The following ACAP3 variants were observed in gnomAD, a reference collection of about 807,000 sequenced individuals.
ACAP3 encodes the protein arf-GAP with coiled-coil, ANK repeat and PH domain-containing protein 3.
In ACAP3, 56 loss-of-function variants were observed where a neutral mutation model predicts 104.1. The observed-to-expected ratio is 0.54, with a 90% CI of 0.43 to 0.67. The LOEUF is 0.67. Among genes scored for constraint, ACAP3 ranks in the 30% least tolerant of loss-of-function variants. The probability of loss-of-function intolerance (pLI) is 0.00; values close to 1 mark genes in which losing one functional copy is unlikely to be tolerated. For synonymous variants in ACAP3, 628 were observed against 496.2 expected (o/e 1.27, Z -3.53); for missense variants, 1,208 against 1,174.9 (o/e 1.03, Z -0.41).
rs570759039 is a variant in ACAP3, at chr1:1,293,353, AC to A, written c.*210del. The A allele has an allele frequency of 7.6e-5, 30 of 392,944 alleles. No homozygotes were observed. The highest frequency in any genetic ancestry group is 4.9e-4 in the East Asian group (9 of 18,182). 24.3% of individuals were successfully genotyped at this position (392,944 alleles called of 1,614,324 possible). A position where few individuals can be genotyped will look rare whatever the true frequency, so the allele number is the denominator to read the frequency against. On this transcript the variant is annotated 3_prime_UTR_variant, in exon 24 of 24. Coordinates refer to ENST00000354700, the MANE Select transcript of ACAP3 (RefSeq NM_030649.3). ...GGTGAGGGACACCCGACGATGCAGC[AC>A]CCCCCCAGGGAAACGTGAGGCTTCA...
chr1:1,299,217 G>A (rs1641336836), intron 10 of ACAP3, 128 bp downstream of exon 10: 2 of 1,250,152 alleles, frequency 1.6e-6, no homozygotes, highest in African/African-American at 3.0e-5. Flanking sequence ...AGCCGCATCA[G>A]CAGCAGGAGC....
At chr1:1,298,235 C>T (rs1641282427) in intron 12 of ACAP3, 122 bp from the exon 13 acceptor site, 1 of 1,578,366 alleles carries the variant, frequency 6.3e-7, no homozygotes, top group Non-Finnish European at 8.6e-7. Context: ...GTGTCCAGCT[C>T]TCTGCTCCCT....
intron 5 of ACAP3, chr1:1,301,539 G>A (rs1641446034): frequency 6.6e-6 from 1 of 152,090 alleles, no homozygotes; most frequent in African/African-American, 2.5e-5. Context: ...GATTACAGGT[G>A]TGAGCCACCA....
chr1:1,295,741 G>T lies in ACAP3; in HGVS notation c.1700C>A (p.Ser567Tyr). ...EPVLPCVAAL[S>Y]SVGTLDRKFR... ...GCCGGGGCATGGCCTCCCACCTGAG[G>T]ACAGAGCGGCCACACAGGGCAGAAC... Residue 567 changes from serine to tyrosine, a missense_variant, in exon 18 of 24, where the codon TCC becomes TAC. Coordinates refer to ENST00000354700, the MANE Select transcript of ACAP3 (RefSeq NM_030649.3). 1 of 1,602,210 alleles carries T rather than the reference G, an allele frequency of 6.2e-7. No homozygotes were observed.
chr1:1,294,033 C>G, intron 22 of ACAP3, 57 bp downstream of exon 22: 1 of 1,492,336 alleles, frequency 6.7e-7, no homozygotes, highest in Non-Finnish European at 8.9e-7. Flanking sequence ...CAGGGCGTAG[C>G]CGGGCCGGGG....
At chr1:1,295,296 G>A in intron 19 of ACAP3, 151 bp downstream of exon 19, 1 of 668,788 alleles carries the variant, frequency 1.5e-6, no homozygotes, top group East Asian at 2.7e-5. Context: ...CTGACAGTCA[G>A]GGCCTTGGCC....
At chr1:1,304,914 G>A (rs1055277208) in intron 1 of ACAP3, 4 of 152,362 alleles carry the variant, frequency 2.6e-5, no homozygotes, top group African/African-American at 7.2e-5. Flanking sequence ...CCAGGATCCC[G>A]GCAGCCCTCC....
chr1:1,306,877 G>C (rs1340771827), intron 1 of ACAP3, among the ~76,000 whole-genome samples: 1 of 152,246 alleles, frequency 6.6e-6, no homozygotes, highest in Non-Finnish European at 1.5e-5. Flanking sequence ...CACACAGACA[G>C]GTGGTGTGTG....
At chr1:1,301,875 C>T (rs1345758153) in intron 5 of ACAP3, 113 bp downstream of exon 5, 3 of 1,049,762 alleles carry the variant, frequency 2.9e-6, no homozygotes, top group Non-Finnish European at 3.9e-6. Context: ...GGAGCCGCTG[C>T]ACAGCCTGGA....
chr1:1,293,972 G>T, intron 22 of ACAP3, 39 bp from the exon 23 acceptor site: 2 of 1,498,392 alleles, frequency 1.3e-6, no homozygotes, highest in African/African-American at 1.5e-5. Flanking sequence ...GGGGCGGGGC[G>T]GGGCGGGGCG....
rs1218034214 is a variant in ACAP3 at position 1,299,994 on chromosome 1, G to A, written c.642C>T (p.Tyr214=). Residue 214 remains tyrosine, a synonymous_variant, in exon 8 of 24, where the codon TAC becomes TAT. Transcript: ENST00000354700. ...GYSLLHQLDP[Y]MKKLAAELDQ... ...TCACCTCGGCTGCCAGCTTCTTCATGTAGGGGTCCAGCTGGTGCAGGAGGC... is the reference window on the plus strand; with the variant it reads ...TCACCTCGGCTGCCAGCTTCTTCATATAGGGGTCCAGCTGGTGCAGGAGGC... 5 of 1,611,494 alleles carry A rather than the reference G, an allele frequency of 3.1e-6. No homozygotes were observed. The highest frequency in any genetic ancestry group is 4.2e-6 in the Non-Finnish European group (5 of 1,179,076).
rs771834099 is a variant in ACAP3, at chr1:1,296,114, C to T, written c.1408-5G>A. 48 of 1,612,574 alleles carry T rather than the reference C, an allele frequency of 3.0e-5. No individual in the cohort carries two copies. Among genetic ancestry groups the T allele is most frequent in the Non-Finnish European group, 3.9e-5 (46 of 1,179,940 alleles). On this transcript the variant is annotated splice_polypyrimidine_tract_variant and splice_region_variant and intron_variant, in intron 16 of 23. Transcript: ENST00000354700. ...GTTTCCAAGCTCACACATCAGCTAGCGGGAGACAGGGCGAGCAGGCATCAG... is the reference window on the plus strand; with the variant it reads ...GTTTCCAAGCTCACACATCAGCTAGTGGGAGACAGGGCGAGCAGGCATCAG...
At chr1:1,299,713 G>T in intron 9 of ACAP3, 118 bp downstream of exon 9, 1 of 1,208,898 alleles carries the variant, frequency 8.3e-7, no homozygotes, top group Non-Finnish European at 1.2e-6. Context: ...GAGGGTGTGG[G>T]CAGGGCAGGT....
At chr1:1,300,766 T>A in intron 5 of ACAP3, 74 bp from the exon 6 acceptor site, 1 of 1,499,596 alleles carries the variant, frequency 6.7e-7, no homozygotes, top group Non-Finnish European at 9.0e-7. Context: ...CCCACATCGT[T>A]GTTTGTGTGT....
chr1:1,302,795 T>TTCCCCCC, intron 4 of ACAP3, 127 bp downstream of exon 4: 2 of 167,342 alleles, frequency 1.2e-5, no homozygotes, highest in South Asian at 2.7e-5. Flanking sequence ...AATGTGGGAT[T>TTCCCCCC]CCCCCCCCCC....
chr1:1,293,789 C>T lies in ACAP3; in HGVS notation c.2360+34G>A, dbSNP rs1189321581. On this transcript the variant is annotated intron_variant, in intron 23 of 23. Coordinates refer to ENST00000354700, the MANE Select transcript of ACAP3 (RefSeq NM_030649.3). ...GGAGGCCCCGCCCCTGCCCTGGAGG[C>T]CCCGCCCAGCCCCGAGGGCCCGGCC... The T allele has an allele frequency of 2.6e-6, 4 of 1,544,320 alleles. No homozygotes were observed. In the African/African-American group the frequency reaches 5.7e-5, roughly 22 times the overall value.
At chr1:1,301,834 C>T (rs894464317) in intron 5 of ACAP3, 154 bp downstream of exon 5, 14 of 644,196 alleles carry the variant, frequency 2.2e-5, no homozygotes, top group Non-Finnish European at 3.2e-5. Context: ...GCACTCCACC[C>T]GGCTGTCTGC....
Position 1,303,484 on chromosome 1 carries a change from C to A in ACAP3, c.106-203G>T. 3.0e-6 allele frequency: 2 copies of A among 672,094 alleles called. No homozygotes were observed. Among genetic ancestry groups the A allele is most frequent in the South Asian group, 1.9e-5 (1 of 51,720 alleles). The allele number at this position is 672,094 out of a possible 1,614,324, so 41.6% of individuals were successfully genotyped here. A position where few individuals can be genotyped will look rare whatever the true frequency, so the allele number is the denominator to read the frequency against. ...GCCCGTCTGGGAGGGGAGGGTGGGG[C>A]CGCCACGGCTCGGCTGGGAGGGACC... On this transcript the variant is annotated intron_variant, in intron 2 of 23. Coordinates refer to ENST00000354700, the MANE Select transcript of ACAP3 (RefSeq NM_030649.3). This position sits in a 1 kb window ranked among gnomAD's most constrained non-coding sequence, Gnocchi z 4.0.
Position 1,303,638 on chromosome 1 carries a change from C to G in ACAP3, c.106-357G>C. 2.4e-6 allele frequency: 1 copy of G among 420,354 alleles called. No homozygotes were observed. The highest frequency in any genetic ancestry group is 4.4e-6 in the Non-Finnish European group (1 of 229,826). The allele number at this position is 420,354 out of a possible 1,614,324, so 26.0% of individuals were successfully genotyped here. A position where few individuals can be genotyped will look rare whatever the true frequency, so the allele number is the denominator to read the frequency against. On this transcript the variant is annotated intron_variant, in intron 2 of 23. Transcript: ENST00000354700. The surrounding 1 kb of genome is among the most constrained non-coding windows in gnomAD (Gnocchi z 4.0). ...CTCCTCTTTCTCAGCCCATGTGGGG[C>G]TCATGGACACGGCTCCCCTCTCCAC...
Sources: allele counts gnomAD v4.1 joint callset (sites outside exome capture counted in the v4.1 genomes callset), GRCh38; gene constraint gnomAD v4.1.1; non-coding constraint Gnocchi (gnomAD v3.1); transcripts MANE v1.5; gene names NCBI Gene and HGNC (gene_info 2026-07-23, HGNC 2026-07-21).